DSG2: variants seen among roughly 807,000 people sequenced by gnomAD.
DSG2 encodes the protein desmoglein-2.
DSG2 carries 45 observed loss-of-function variants against 75.6 expected under a neutral mutation model. The ratio of observed to expected loss-of-function variants is 0.60; its 90% CI spans 0.47 to 0.76. DSG2 has a LOEUF of 0.76. Among genes scored for constraint, DSG2 ranks in the 30% least tolerant of loss-of-function variants. The probability of loss-of-function intolerance (pLI) is 0.00; values close to 1 mark genes in which losing one functional copy is unlikely to be tolerated. For synonymous variants in DSG2, 429 were observed against 483.9 expected (o/e 0.89, Z 1.49); for missense variants, 1,267 against 1,357.4 (o/e 0.93, Z 1.05).
In DSG2 at chr18:31,546,296, A is replaced by G; in HGVS notation, c.2910A>G (p.Pro970=). 1 of 1,603,118 alleles carries G rather than the reference A, an allele frequency of 6.2e-7. No homozygotes were observed. The highest frequency in any genetic ancestry group is 1.3e-5 in the African/African-American group (1 of 74,832). The change falls in exon 15 of 15, where the codon CCA becomes CCG. Residue 970 remains proline, a synonymous_variant. Transcript: ENST00000261590. ...SLIVTERVYA[P]ASTLVDQPYA... ...TTGTGACAGAGAGGGTGTATGCTCC[A>G]GCTTCTACCTTGGTAGATCAGCCTT...
At chr18:31,526,471 A>G (rs1215257973) in intron 8 of DSG2, among the ~76,000 whole-genome samples, 1 of 152,242 alleles carries the variant, frequency 6.6e-6, no homozygotes, top group Admixed American at 6.5e-5. Context: ...TTTTAAAAGC[A>G]GAGTAAAATT....
In DSG2 at chr18:31,521,242, A is replaced by G. The variant is rs2073126545; in HGVS notation, c.522A>G (p.Ala174=). The G allele has an allele frequency of 6.2e-7, 1 of 1,604,226 alleles. No homozygotes were observed. Among genetic ancestry groups the G allele is most frequent in the Admixed American group, 1.7e-5 (1 of 58,728 alleles). ...FVGSVEELSA[A]HTLVMKINAT... is the part of the protein sequence containing the mutation. ...GGTCTGTTGAAGAGTTGAGTGCAGC[A>G]CGTAAGAGTCTTTTTTTTTTTTTTT... Residue 174 remains alanine (A), a splice_region_variant and synonymous_variant, in exon 5 of 15, where the codon GCA becomes GCG. Coordinates refer to ENST00000261590, the MANE Select transcript of DSG2 (RefSeq NM_001943.5).
chr18:31,525,138 G>A (rs1337024515), intron 8 of DSG2, among the ~76,000 whole-genome samples: 1 of 152,152 alleles, frequency 6.6e-6, no homozygotes, highest in African/African-American at 2.4e-5. Context: ...TTACTGCTTA[G>A]CTCATTTCCA....
intron 1 of DSG2, among the ~76,000 whole-genome samples, chr18:31,499,001 C>T (rs117627538): frequency 0.016 from 2,362 of 151,650 alleles, 16 homozygotes; most frequent in Non-Finnish European, 0.024. Flanking sequence ...CCCTCCCCCA[C>T]GCCCCACCCC....
chr18:31,515,250 C>A (rs932652509), intron 1 of DSG2, among the ~76,000 whole-genome samples: 2 of 152,032 alleles, frequency 1.3e-5, no homozygotes, highest in Non-Finnish European at 2.9e-5. Context: ...CTACAGGCAC[C>A]CACCACCACG....
intron 8 of DSG2, 117 bp downstream of exon 8, chr18:31,525,005 A>G: frequency 1.0e-6 from 1 of 992,122 alleles, no homozygotes; most frequent in Non-Finnish European, 1.6e-6. Context: ...CTAGCACTAC[A>G]GTTGTTTGAG....
intron 1 of DSG2, among the ~76,000 whole-genome samples, chr18:31,500,912 G>A (rs1247664584): frequency 6.6e-6 from 1 of 152,088 alleles, no homozygotes; most frequent in African/African-American, 2.4e-5. Flanking sequence ...ACTAACTTCG[G>A]ACTGAAATTT....
intron 3 of DSG2, 61 bp from the exon 4 acceptor site, chr18:31,520,742 G>C: frequency 6.4e-7 from 1 of 1,562,534 alleles, no homozygotes; most frequent in Admixed American, 1.7e-5. Flanking sequence ...TTTTGGCTAA[G>C]ATCAAATCTA....
chr18:31,520,730 G>A, intron 3 of DSG2, 73 bp from the exon 4 acceptor site: 1 of 1,479,564 alleles, frequency 6.8e-7, no homozygotes, highest in Non-Finnish European at 9.4e-7. Flanking sequence ...CACTTCTTAG[G>A]CTTTTGGCTA....
chr18:31,533,828 A>T (rs1179561581), intron 9 of DSG2, among the ~76,000 whole-genome samples: 1 of 152,192 alleles, frequency 6.6e-6, no homozygotes, highest in African/African-American at 2.4e-5. Flanking sequence ...AAATATTGCT[A>T]TAAATTAGCC....
At chr18:31,517,488 A>C (rs546400010) in intron 1 of DSG2, among the ~76,000 whole-genome samples, 1 of 152,372 alleles carries the variant, frequency 6.6e-6, no homozygotes, top group African/African-American at 2.4e-5. Flanking sequence ...GGTAATTGAC[A>C]TCCCAAGTAT....
chr18:31,526,100 T>A (rs944984713), intron 8 of DSG2, among the ~76,000 whole-genome samples: 1 of 152,060 alleles, frequency 6.6e-6, no homozygotes, highest in Non-Finnish European at 1.5e-5. Flanking sequence ...GCCAAGATCG[T>A]GCCATTGCCC....
At chr18:31,512,600 A>G (rs1174132952) in intron 1 of DSG2, among the ~76,000 whole-genome samples, 1 of 152,220 alleles carries the variant, frequency 6.6e-6, no homozygotes, top group Non-Finnish European at 1.5e-5. Context: ...CACACTCAGG[A>G]TAAAACCCAA....
intron 8 of DSG2, among the ~76,000 whole-genome samples, chr18:31,527,681 A>G (rs1192941261): frequency 6.6e-6 from 1 of 152,246 alleles, no homozygotes; most frequent in Non-Finnish European, 1.5e-5. Flanking sequence ...TTAAAACTAT[A>G]AGAGATACCA....
At chr18:31,521,331 A>C in intron 5 of DSG2, 88 bp downstream of exon 5, 1 of 1,356,328 alleles carries the variant, frequency 7.4e-7, no homozygotes, top group Non-Finnish European at 1.0e-6. Flanking sequence ...TCATATCTTA[A>C]TGAAAGTTGA....
rs766353242 is a variant in DSG2, at chr18:31,541,265, T to C, written c.1952T>C (p.Ile651Thr). Residue 651 changes from isoleucine to threonine, a missense_variant, in exon 13 of 15, where the codon ATA becomes ACA. Ile to Thr is a moderately conservative substitution (Grantham distance 89). Coordinates refer to ENST00000261590, the MANE Select transcript of DSG2 (RefSeq NM_001943.5). The stretch of plus-strand genomic sequence containing the variant: ...GGCTTTACCCCCATACCTGGCACCA[T>C]AGAGATGCTGCATCCTTGGAATAAT... ...AKGFTPIPGT[I>T]EMLHPWNNEG... 6.8e-6 allele frequency: 11 copies of C among 1,614,040 alleles called. No homozygotes were observed. In the East Asian group the frequency reaches 2.0e-4, roughly 29 times the overall value.
chr18:31,532,920 T>C, intron 9 of DSG2, among the ~76,000 whole-genome samples: 1 of 151,326 alleles, frequency 6.6e-6, no homozygotes, highest in Admixed American at 6.6e-5. Context: ...TGTTTGTTTG[T>C]TTGTTTGTTT....
intron 11 of DSG2, among the ~76,000 whole-genome samples, chr18:31,538,484 A>T (rs1417953820): frequency 6.6e-6 from 1 of 152,210 alleles, no homozygotes; most frequent in Non-Finnish European, 1.5e-5. Context: ...TGTATAGAAC[A>T]GTTCCTAGCT....
rs76007459 is a variant in DSG2, at chr18:31,543,973, A to G, written c.2334+1121A>G. ...TTCATAATGAAAAATGAGTCAGTTC[A>G]TCAGGAGGCCTGAAACTCCTAAATA... On this transcript the variant is annotated intron_variant, in intron 14 of 14. Transcript: ENST00000261590. 2.4e-3 allele frequency among the ~76,000 whole-genome samples: 363 copies of G among 152,324 alleles called. 5 individuals carry two copies. The highest frequency in any genetic ancestry group is 8.2e-3 in the African/African-American group (342 of 41,580).
Sources: allele counts gnomAD v4.1 joint callset (sites outside exome capture counted in the v4.1 genomes callset), GRCh38; gene constraint gnomAD v4.1.1; transcripts MANE v1.5; gene names NCBI Gene and HGNC (gene_info 2026-07-23, HGNC 2026-07-21).